Variants in OR1S2 observed in about 807,000 individuals in gnomAD.
OR1S2 encodes the protein olfactory receptor 1S2.
A neutral mutation model predicts 1.7 loss-of-function variants in OR1S2; 1 was observed. That is an observed-to-expected ratio of 0.59 (90% CI 0.21 to 2.81). The LOEUF is 2.81. OR1S2 is among the 30% of genes most tolerant of loss of function. OR1S2 has a pLI of 0.22. For synonymous variants in OR1S2, 157 were observed against 145.3 expected, an observed-to-expected ratio of 1.08 and a Z score of -0.58; for missense variants, 391 against 371.6, an observed-to-expected ratio of 1.05 and a Z score of -0.43.
chr11:58,204,042 A>G (rs1484301011), exon 1 of OR1S2: 8 of 1,613,996 alleles, frequency 5.0e-6, no homozygotes, highest in Non-Finnish European at 6.8e-6. Flanking sequence ...GACCACATAC[A>G]TACTCAGGAA....
chr11:58,203,220 T>C, exon 1 of OR1S2: 1 of 1,607,862 alleles, frequency 6.2e-7, no homozygotes. Flanking sequence ...GGAAGAAATT[T>C]TTCTATTGAT....
exon 1 of OR1S2, chr11:58,204,000 G>T (rs764867920): frequency 6.2e-7 from 1 of 1,613,936 alleles, no homozygotes; most frequent in Non-Finnish European, 8.5e-7. Flanking sequence ...CAAGCTGATA[G>T]CCACAATGAT....
chr11:58,203,824 A>T, exon 1 of OR1S2: 1 of 1,614,116 alleles, frequency 6.2e-7, no homozygotes, highest in Non-Finnish European at 8.5e-7. Context: ...GTGACGACAA[A>T]CACAATAGAA....
chr11:58,203,980 G>T, exon 1 of OR1S2: 1 of 1,613,996 alleles, frequency 6.2e-7, no homozygotes, highest in Non-Finnish European at 8.5e-7. Flanking sequence ...GGGGTGTGAA[G>T]GTATATATCC....
exon 1 of OR1S2, chr11:58,203,440 A>G (rs1291672368): frequency 1.2e-6 from 2 of 1,613,890 alleles, no homozygotes; most frequent in African/African-American, 2.7e-5. Flanking sequence ...AAGGCTTTCC[A>G]CTTTCCCTGT....
chr11:58,203,497 A>G lies in OR1S2; in HGVS notation c.646T>C (p.Phe216Leu), dbSNP rs544693818. Residue 216 changes from phenylalanine to leucine, a missense_variant, in exon 1 of 1, where the codon TTC becomes CTC. Physicochemically the swap from Phe to Leu is conservative, Grantham distance 22 (BLOSUM62 0). Coordinates refer to ENST00000641683, the Ensembl canonical transcript of OR1S2. The stretch of plus-strand genomic sequence containing the variant: ...GCTCTGATGATGCAGACATAGGAGA[A>G]GAAGATGAGTACAAAGGGGAAGATG... 7.4e-6 allele frequency: 12 copies of G among 1,614,112 alleles called. No homozygotes were observed. In the African/African-American group the frequency reaches 1.6e-4, roughly 22 times the overall value.
exon 1 of OR1S2, chr11:58,203,642 G>A: frequency 1.2e-6 from 2 of 1,614,186 alleles, no homozygotes. Flanking sequence ...GGTCACAGAA[G>A]AGCAATTGAA....
exon 1 of OR1S2, chr11:58,203,628 T>C (rs1384928567): frequency 2.1e-5 from 34 of 1,614,120 alleles, no homozygotes; most frequent in Non-Finnish European, 2.7e-5. Flanking sequence ...TGGGAGAGTG[T>C]TGTGGTCACA....
At chr11:58,203,904 T>G (rs768218453) in exon 1 of OR1S2, 4 of 1,614,078 alleles carry the variant, frequency 2.5e-6, no homozygotes, top group Middle Eastern at 1.6e-4. Flanking sequence ...CACCAGCATT[T>G]TGGGGACTGA....
At chr11:58,204,106 T>A (rs187444338) in exon 1 of OR1S2, 1 of 1,614,050 alleles carries the variant, frequency 6.2e-7, no homozygotes, top group East Asian at 2.2e-5. Context: ...CCCAGGAGAA[T>A]GAATTCAGTG....
rs1191657052 is a variant in OR1S2 at position 58,204,127 on chromosome 11, G to A, written c.16C>T (p.Gln6Ter). 4.3e-6 allele frequency: 7 copies of A among 1,613,800 alleles called. No individual in the cohort carries two copies. The Admixed American group carries it at 6.7e-5, about 15-fold the overall frequency. ...AGAATGAATTCAGTGATGGTGGTTTGGTTTTCTTGATGCATATTTCTGCTG... is the reference window on the plus strand; with the variant it reads ...AGAATGAATTCAGTGATGGTGGTTTAGTTTTCTTGATGCATATTTCTGCTG... The change falls in exon 1 of 1, where the codon CAA becomes TAA. Residue 6 changes from glutamine to a stop codon, truncating the protein, a stop_gained. Transcript: ENST00000641683. LOFTEE classifies it low-confidence loss of function (END_TRUNC).
chr11:58,203,726 C>A (rs377299395), exon 1 of OR1S2: 3 of 1,613,892 alleles, frequency 1.9e-6, no homozygotes, highest in African/African-American at 2.7e-5. Context: ...AAGTGCCGAA[C>A]CTGGCCCGCA....
Position 58,203,400 on chromosome 11 carries a change from G to A in OR1S2, c.743C>T (p.Ala248Val), listed in dbSNP as rs141528877. 7.2e-4 allele frequency: 1,156 copies of A among 1,613,418 alleles called. 4 individuals carry two copies. In the African/African-American group the frequency reaches 0.01, roughly 14 times the overall value. The stretch of plus-strand genomic sequence containing the variant: ...TACAGTGGTTCCGTAGAACAGTAAT[G>A]CAATTGTCAGGTGAGAGCCACAAGT... Residue 248 changes from alanine to valine, a missense_variant, in exon 1 of 1, where the codon GCA becomes GTA. Ala to Val is a moderately conservative substitution (Grantham distance 64, BLOSUM62 0). Coordinates refer to ENST00000641683, the Ensembl canonical transcript of OR1S2.
At chr11:58,203,705 G>A in exon 1 of OR1S2, 8 of 1,614,112 alleles carry the variant, frequency 5.0e-6, no homozygotes, top group Non-Finnish European at 6.8e-6. Context: ...ACCACGAGAT[G>A]ACTGTGAGCA....
In OR1S2 at chr11:58,203,742, G is replaced by A. The variant is rs139923248; in HGVS notation, c.401C>T (p.Thr134Ile). The A allele has an allele frequency of 1.6e-4, 256 of 1,613,760 alleles. 1 individual carries two copies. In the Middle Eastern group the frequency reaches 3.5e-3, roughly 22 times the overall value. Reference sequence around the variant, plus strand: ...AGTGCCGAACCTGGCCCGCATGAAAGTTGTATAGTTCAGAGGGTGGCAGAT... The same window carrying A: ...AGTGCCGAACCTGGCCCGCATGAAAATTGTATAGTTCAGAGGGTGGCAGAT... The change falls in exon 1 of 1, where the codon ACT (threonine) becomes ATT (isoleucine). Residue 134 changes from threonine to isoleucine, a missense_variant. Physicochemically the swap from Thr to Ile is moderately conservative, Grantham distance 89. Coordinates refer to ENST00000641683, the Ensembl canonical transcript of OR1S2.
rs543684505 is a variant in OR1S2, at chr11:58,203,801, A to G, written c.342T>C (p.Leu114=). 3.4e-4 allele frequency: 553 copies of G among 1,609,696 alleles called. 3 individuals carry two copies. The highest frequency in any genetic ancestry group is 5.0e-4 in the Admixed American group (30 of 59,640). The stretch of plus-strand genomic sequence containing the variant: ...AGTGGTCGAAGGCCATGGTCCCCAA[A>G]AGCAAATTGTCAGTGACGACAAACA... Residue 114 remains leucine (L), a synonymous_variant, in exon 1 of 1, where the codon CTT becomes CTC. Coordinates refer to ENST00000641683, the Ensembl canonical transcript of OR1S2.
exon 1 of OR1S2, chr11:58,203,748 T>C (rs1184255732): frequency 2.5e-6 from 4 of 1,614,000 alleles, no homozygotes; most frequent in Admixed American, 1.7e-5. Flanking sequence ...GAAAGTTGTA[T>C]AGTTCAGAGG....
chr11:58,203,789 C>T, exon 1 of OR1S2: 1 of 1,614,092 alleles, frequency 6.2e-7, no homozygotes, highest in Non-Finnish European at 8.5e-7. Flanking sequence ...GGTCGAAGGC[C>T]ATGGTCCCCA....
chr11:58,204,050 G>A (rs768777943), exon 1 of OR1S2: 25 of 1,613,848 alleles, frequency 1.5e-5, no homozygotes, highest in East Asian at 1.1e-4. Flanking sequence ...ACATACTCAG[G>A]AAAAGCACAA....
Sources: allele counts gnomAD v4.1 joint callset, GRCh38; gene constraint gnomAD v4.1.1; transcripts MANE v1.5; gene names NCBI Gene and HGNC (gene_info 2026-07-23, HGNC 2026-07-21).